ARHGAP6: variants seen among roughly 807,000 people sequenced by gnomAD.
The protein encoded by ARHGAP6 is Rho GTPase activating protein 6.
A neutral mutation model predicts 55.7 loss-of-function variants in ARHGAP6; 16 were observed. The observed-to-expected ratio is 0.29, with a 90% CI of 0.19 to 0.44. ARHGAP6 has a LOEUF of 0.44. Ranked by LOEUF, ARHGAP6 falls within the 20% of genes least tolerant of loss-of-function variation. The pLI, the probability that ARHGAP6 is intolerant of heterozygous loss-of-function variation, is 1.00. For synonymous variants in ARHGAP6, 382 were observed against 360.9 expected (o/e 1.06, Z -0.66); for missense variants, 698 against 808.9 (o/e 0.86, Z 1.66).
At chrX:11,378,655 C>A (rs1024802230) in intron 1 of ARHGAP6, among the ~76,000 whole-genome samples, 8 of 112,143 alleles carry the variant, frequency 7.1e-5, no homozygotes, top group Non-Finnish European at 1.5e-4. Flanking sequence ...TCCATTATCT[C>A]TTCCTATTGC....
At chrX:11,366,526 C>G (rs1458979320) in intron 1 of ARHGAP6, among the ~76,000 whole-genome samples, 1 of 111,417 alleles carries the variant, frequency 9.0e-6, no homozygotes, top group African/African-American at 3.3e-5. Context: ...CATGAAGGAG[C>G]AGAAGCCATG....
rs1603141989 is a variant in ARHGAP6 at position 11,371,305 on chromosome X, G to A, written c.589-116598C>T. Among the ~76,000 whole-genome samples the A allele has an allele frequency of 2.7e-5, 3 of 112,091 alleles. No individual in the cohort carries two copies. The Middle Eastern group carries it at 0.014, about 514-fold the overall frequency. ...CAAATCCAGCCCATCACCTGTTATT[G>A]TAAATAAAGTTTTATTGGAACCAGC... On this transcript the variant is annotated intron_variant, in intron 1 of 12. Coordinates refer to ENST00000337414, the MANE Select transcript of ARHGAP6 (RefSeq NM_013427.3).
chrX:11,316,732 G>C (rs748873818), intron 1 of ARHGAP6, among the ~76,000 whole-genome samples: 6 of 112,112 alleles, frequency 5.4e-5, no homozygotes, highest in Non-Finnish European at 1.1e-4. Context: ...CCCAGGTTCT[G>C]GAAAGCACCA....
chrX:11,310,797 C>A (rs2048291446), intron 1 of ARHGAP6, among the ~76,000 whole-genome samples: 2 of 111,875 alleles, frequency 1.8e-5, no homozygotes, highest in Non-Finnish European at 3.8e-5. Context: ...GCTTCTAGGC[C>A]ACTGACAAAA....
Position 11,392,229 on chromosome X carries a change from G to T in ARHGAP6, c.589-137522C>A, listed in dbSNP as rs1012415068. 4.5e-5 allele frequency among the ~76,000 whole-genome samples: 5 copies of T among 111,796 alleles called. No individual in the cohort carries two copies. The Admixed American group carries it at 4.8e-4, about 11-fold the overall frequency. ...TATCTTATATTAATACAGGTAACTT[G>T]CCCCAGCCTTAGCTTTTGCGTTTCC... On this transcript the variant is annotated intron_variant, in intron 1 of 12. Transcript: ENST00000337414.
intron 1 of ARHGAP6, among the ~76,000 whole-genome samples, chrX:11,575,292 A>T (rs2051583028): frequency 8.9e-6 from 1 of 111,844 alleles, no homozygotes; most frequent in African/African-American, 3.2e-5. Flanking sequence ...CTGCCCTCCA[A>T]ATGCCTAATT....
intron 1 of ARHGAP6, among the ~76,000 whole-genome samples, chrX:11,546,904 G>A (rs1396028177): frequency 8.9e-6 from 1 of 112,030 alleles, no homozygotes; most frequent in Non-Finnish European, 1.9e-5. Flanking sequence ...CCTACCAAAT[G>A]AGACAGTAAA....
In ARHGAP6 at chrX:11,502,153, G is replaced by A. The variant is rs777943906; in HGVS notation, c.588+162088C>T. On this transcript the variant is annotated intron_variant, in intron 1 of 12. Coordinates refer to ENST00000337414, the MANE Select transcript of ARHGAP6 (RefSeq NM_013427.3). Reference sequence around the variant, plus strand: ...TAAACTGTTGTATATTCATACAATGGAATACTACATGGCAATGAAAAGTAC... The same window carrying A: ...TAAACTGTTGTATATTCATACAATGAAATACTACATGGCAATGAAAAGTAC... Among the ~76,000 whole-genome samples, 397 of 112,477 alleles carry A rather than the reference G, an allele frequency of 3.5e-3. 2 individuals are homozygous for A. Among genetic ancestry groups the A allele is most frequent in the Non-Finnish European group, 5.4e-3 (286 of 53,253 alleles).
At chrX:11,215,070 G>A (rs1378602609) in intron 2 of ARHGAP6, among the ~76,000 whole-genome samples, 2 of 113,151 alleles carry the variant, frequency 1.8e-5, no homozygotes, top group Admixed American at 9.2e-5. Flanking sequence ...TGGTTCCCAG[G>A]GCCCAGGAGC....
At chrX:11,291,581 A>C (rs1396604190) in intron 1 of ARHGAP6, among the ~76,000 whole-genome samples, 2 of 111,344 alleles carry the variant, frequency 1.8e-5, no homozygotes, top group Non-Finnish European at 3.8e-5. Flanking sequence ...GTAATTATAT[A>C]AAATGGGGGA....
intron 1 of ARHGAP6, among the ~76,000 whole-genome samples, chrX:11,647,649 G>A (rs1188023577): frequency 4.5e-5 from 5 of 112,219 alleles, no homozygotes; most frequent in Non-Finnish European, 7.5e-5. Flanking sequence ...TTATCAACAC[G>A]CATATGGCCA....
intron 1 of ARHGAP6, among the ~76,000 whole-genome samples, chrX:11,361,549 C>T (rs1282233764): frequency 9.1e-6 from 1 of 110,084 alleles, no homozygotes; most frequent in Non-Finnish European, 1.9e-5. Flanking sequence ...ACCATAAAAA[C>T]CCTAGAAGAA....
chrX:11,467,380 C>A (rs979243322), intron 1 of ARHGAP6, among the ~76,000 whole-genome samples: 73 of 106,085 alleles, frequency 6.9e-4, no homozygotes, highest in African/African-American at 2.4e-3. Flanking sequence ...AACAAACAAA[C>A]AAAAAAAAAC....
rs1351200202 is a variant in ARHGAP6 at position 11,138,578 on chromosome X, A to G, written c.*285T>C. ...ATACGGTTAGGCTATACCAAGCAAG[A>G]GTTGTATCTTATATTATAGAGCCAA... On this transcript the variant is annotated 3_prime_UTR_variant, in exon 13 of 13. Transcript: ENST00000337414. The G allele has an allele frequency of 2.6e-6, 1 of 379,939 alleles. No individual in the cohort carries two copies. Among genetic ancestry groups the G allele is most frequent in the Non-Finnish European group, 4.5e-6 (1 of 221,499 alleles). The allele number at this position is 379,939 out of a possible 1,213,427, so 31.3% of individuals were successfully genotyped here.
chrX:11,271,309 G>A (rs944878120), intron 1 of ARHGAP6, among the ~76,000 whole-genome samples: 2 of 111,859 alleles, frequency 1.8e-5, no homozygotes, highest in African/African-American at 6.5e-5. Flanking sequence ...TATAAAACAA[G>A]CCTTAAGGAT....
Position 11,174,523 on chromosome X carries a change from TTCC to T in ARHGAP6, c.1629+3574_1629+3576del, listed in dbSNP as rs1569240927. Among the ~76,000 whole-genome samples the T allele has an allele frequency of 2.9e-3, 129 of 45,143 alleles. 1 individual carries two copies. The highest frequency in any genetic ancestry group is 9.7e-3 in the African/African-American group (114 of 11,752). 39.2% of individuals were successfully genotyped at this position (45,143 alleles called of 115,157 possible). ...CCAAGGCCATTCTTTCTTTCTTTCC[TTCC>T]TTCCTTCCTTCCTTCCTTCCTTCCT... On this transcript the variant is annotated intron_variant, in intron 8 of 12. Transcript: ENST00000337414.
chrX:11,612,737 A>G (rs2052117296), intron 1 of ARHGAP6, among the ~76,000 whole-genome samples: 1 of 112,520 alleles, frequency 8.9e-6, no homozygotes, highest in African/African-American at 3.2e-5. Flanking sequence ...AAGAAATAAC[A>G]CTTCTCATAG....
chrX:11,572,747 C>T (rs1244196921), intron 1 of ARHGAP6, among the ~76,000 whole-genome samples: 1 of 111,726 alleles, frequency 9.0e-6, no homozygotes, highest in Non-Finnish European at 1.9e-5. Flanking sequence ...AGTTCTAGAT[C>T]CCTGAGGAAT....
intron 9 of ARHGAP6, among the ~76,000 whole-genome samples, chrX:11,160,584 A>G (rs2045930767): frequency 8.9e-6 from 1 of 112,141 alleles, no homozygotes; most frequent in Non-Finnish European, 1.9e-5. Context: ...GAGAGTATGT[A>G]GTATGTCTAA....
Sources: allele counts gnomAD v4.1 joint callset (sites outside exome capture counted in the v4.1 genomes callset), GRCh38; gene constraint gnomAD v4.1.1; transcripts MANE v1.5; gene names NCBI Gene and HGNC (gene_info 2026-07-23, HGNC 2026-07-21).